COL6A2: variants seen among roughly 807,000 people sequenced by gnomAD.
COL6A2 encodes collagen type VI alpha 2 chain, also known as collagen alpha-2(VI) chain.
In COL6A2, 90 loss-of-function variants were observed where a neutral mutation model predicts 124.9. The observed-to-expected ratio is 0.72, with a 90% CI of 0.61 to 0.86. The LOEUF (loss-of-function observed/expected upper bound fraction) is 0.86, where lower values mean the gene tolerates loss of function less well. COL6A2 is among the 40% of genes least tolerant of loss of function. COL6A2 has a pLI of 0.00. For synonymous variants in COL6A2, 793 were observed against 618.2 expected (o/e 1.28, Z -4.19); for missense variants, 1,607 against 1,502.5 (o/e 1.07, Z -1.15).
intron 1 of COL6A2, chr21:46,099,050 G>C (rs1286455918): frequency 2.6e-5 from 4 of 152,322 alleles, no homozygotes. Context: ...TTCCCTTTGG[G>C]GTCGGAACCC....
intron 1 of COL6A2, among the ~76,000 whole-genome samples, chr21:46,110,183 C>T (rs557403533): frequency 6.6e-6 from 1 of 152,170 alleles, no homozygotes; most frequent in Non-Finnish European, 1.5e-5. Context: ...TGGCAGCGGC[C>T]CCCAGGGAGG....
chr21:46,122,623 ACCACC>A, intron 20 of COL6A2, 92 bp downstream of exon 20: 2 of 1,407,734 alleles, frequency 1.4e-6, no homozygotes, highest in Non-Finnish European at 2.0e-6. Flanking sequence ...CACTGACAGG[ACCACC>A]CCTGTCTTGA....
chr21:46,129,556 C>T (rs2078730716), intron 27 of COL6A2: 20 of 1,478,206 alleles, frequency 1.4e-5, no homozygotes, highest in African/African-American at 2.8e-5. Flanking sequence ...GGGCTGCCCC[C>T]GACAGGCTGG....
In COL6A2 at chr21:46,131,988, G is replaced by A. The variant is rs567775494; in HGVS notation, c.2496G>A (p.Val832=). Residue 832 remains valine, a synonymous_variant, in exon 28 of 28, where the codon GTG becomes GTA. Transcript: ENST00000300527. ...LSVAQCTQRP[V]DIVFLLDGSE... is the part of the protein sequence containing the mutation. ...TGGCACAGTGCACGCAGCGGCCCGT[G>A]GACATCGTCTTCCTGCTGGACGGCT... The A allele has an allele frequency of 1.9e-5, 30 of 1,609,860 alleles. No individual in the cohort carries two copies. Among genetic ancestry groups the A allele is most frequent in the East Asian group, 1.1e-4 (5 of 44,810 alleles).
At chr21:46,104,005 G>A (rs145592302) in intron 1 of COL6A2, among the ~76,000 whole-genome samples, 132 of 152,248 alleles carry the variant, frequency 8.7e-4, no homozygotes, top group Middle Eastern at 6.8e-3. Context: ...GGGAAGTCAC[G>A]GGCTTAGAAA....
chr21:46,120,547 G>T lies in COL6A2; in HGVS notation c.1365G>T (p.Leu455=), dbSNP rs756507880. The T allele has an allele frequency of 6.8e-7, 1 of 1,474,060 alleles. No homozygotes were observed. Among genetic ancestry groups the T allele is most frequent in the Non-Finnish European group, 9.0e-7 (1 of 1,114,006 alleles). 91.3% of individuals were successfully genotyped at this position (1,474,060 alleles called of 1,614,324 possible). The change falls in exon 16 of 28, where the codon CTG becomes CTT. Residue 455 remains leucine, a synonymous_variant. Coordinates refer to ENST00000300527, the MANE Select transcript of COL6A2 (RefSeq NM_001849.4). ...CTGGCCCTGAGGGGCCCCGCGGCCT[G>T]GCTGGAGAGGTTGGCAACAAAGGAG... ...GDPGPEGPRG[L]AGEVGNKGAK...
intron 1 of COL6A2, among the ~76,000 whole-genome samples, chr21:46,099,949 G>T (rs924965020): frequency 3.7e-5 from 5 of 135,004 alleles, no homozygotes; most frequent in African/African-American, 1.0e-4. Flanking sequence ...CTTGTTGGGG[G>T]GTTTGTTCTG....
intron 21 of COL6A2, among the ~76,000 whole-genome samples, chr21:46,123,213 C>A (rs1392210318): frequency 8.1e-6 from 1 of 123,930 alleles, no homozygotes; most frequent in South Asian, 2.7e-4. Flanking sequence ...CACAACATCC[C>A]CCCAGAGTCC....
At chr21:46,130,784 T>C (rs141902436) in intron 27 of COL6A2, among the ~76,000 whole-genome samples, 188 of 152,326 alleles carry the variant, frequency 1.2e-3, no homozygotes, top group African/African-American at 4.2e-3. Context: ...TCTGGACATT[T>C]AAGCCGGTTC....
chr21:46,104,968 T>A (rs888205225), intron 1 of COL6A2, among the ~76,000 whole-genome samples: 11 of 152,168 alleles, frequency 7.2e-5, no homozygotes, highest in Admixed American at 7.2e-4. Flanking sequence ...ATTAACACAT[T>A]CTTAGATCAA....
At chr21:46,115,801 C>A in intron 5 of COL6A2, 71 bp from the exon 6 acceptor site, 1 of 1,375,184 alleles carries the variant, frequency 7.3e-7, no homozygotes. Context: ...CTCAGAGGAG[C>A]TGTGGCAGGG....
Position 46,125,666 on chromosome 21 carries a change from G to A in COL6A2, c.1969+49G>A, listed in dbSNP as rs557704979. 3.9e-5 allele frequency: 62 copies of A among 1,592,580 alleles called. 1 individual carries two copies. Among genetic ancestry groups the A allele is most frequent in the Admixed American group, 7.0e-5 (4 of 57,334 alleles). On this transcript the variant is annotated intron_variant, in intron 25 of 27. Transcript: ENST00000300527. The stretch of plus-strand genomic sequence containing the variant: ...AGCATTGCGGGGGGCCGGGCGGGGC[G>A]TGGGAGGCGATGAGATGGGAGAAGT...
Position 46,126,102 on chromosome 21 carries a change from T to G in COL6A2, c.2287T>G (p.Phe763Val). Residue 763 changes from phenylalanine (F) to valine (V), a missense_variant, in exon 26 of 28, where the codon TTC becomes GTC. Phe to Val is a conservative substitution (Grantham distance 50). Around this residue, in one of 3 missense-constraint regions of COL6A2, gnomAD observed 1,223 missense variants for 1,052.2 expected, o/e 1.16. Coordinates refer to ENST00000300527, the MANE Select transcript of COL6A2 (RefSeq NM_001849.4). ...TVTAIGIGDM[F>V]HEKHESENLY... The stretch of plus-strand genomic sequence containing the variant: ...GACGGCCATCGGCATCGGGGACATG[T>G]TCCACGAGAAGCACGAGAGTGAAAA... The G allele has an allele frequency of 6.2e-7, 1 of 1,612,790 alleles. No homozygotes were observed. Among genetic ancestry groups the G allele is most frequent in the Non-Finnish European group, 8.5e-7 (1 of 1,180,006 alleles).
chr21:46,126,624 A>C, intron 27 of COL6A2, 83 bp downstream of exon 27: 1 of 1,435,660 alleles, frequency 7.0e-7, no homozygotes, highest in African/African-American at 1.4e-5. Context: ...GGGCTGGGGG[A>C]GGGGCCGTGC....
rs1305600618 is a variant in COL6A2, at chr21:46,121,103, C to T, written c.1438C>T (p.Leu480Phe). The T allele has an allele frequency of 6.2e-7, 1 of 1,612,782 alleles. No homozygotes were observed. Among genetic ancestry groups the T allele is most frequent in the South Asian group, 1.1e-5 (1 of 91,084 alleles). The change falls in exon 17 of 28, where the codon CTT becomes TTT. Residue 480 changes from leucine to phenylalanine, a missense_variant. Leu to Phe is a conservative substitution (Grantham distance 22, BLOSUM62 0). Around this residue, in one of 3 missense-constraint regions of COL6A2, gnomAD observed 1,223 missense variants for 1,052.2 expected, o/e 1.16. Coordinates refer to ENST00000300527, the MANE Select transcript of COL6A2 (RefSeq NM_001849.4). ...TGGACCCAGAGGCCCCCAGGGAGCTCTTGGGGAGCCCGGAAAGCAGGTCAG... is the reference window on the plus strand; with the variant it reads ...TGGACCCAGAGGCCCCCAGGGAGCTTTTGGGGAGCCCGGAAAGCAGGTCAG... ...LPGPRGPQGA[L>F]GEPGKQGSRG...
chr21:46,117,783 C>T, intron 11 of COL6A2, 91 bp from the exon 12 acceptor site: 1 of 1,359,844 alleles, frequency 7.4e-7, no homozygotes, highest in East Asian at 2.4e-5. Context: ...GAGGTGCGTC[C>T]CGGGCTGGGA....
chr21:46,121,146 G>C (rs200083139), intron 17 of COL6A2, 23 bp downstream of exon 17: 2 of 1,611,258 alleles, frequency 1.2e-6, no homozygotes, highest in African/African-American at 2.7e-5. Context: ...GCAGGAGGCC[G>C]GTGCCCTCTG....
At chr21:46,126,831 A>G (rs1357096970) in intron 27 of COL6A2, among the ~76,000 whole-genome samples, 1 of 152,144 alleles carries the variant, frequency 6.6e-6, no homozygotes, top group East Asian at 1.9e-4. Context: ...AAGGCCCACC[A>G]TGGGCCTTGC....
At chr21:46,111,163 C>T (rs188981547) in intron 1 of COL6A2, among the ~76,000 whole-genome samples, 30 of 152,286 alleles carry the variant, frequency 2.0e-4, no homozygotes, top group Admixed American at 3.3e-4. Flanking sequence ...CCCACTCCAC[C>T]CAGCCCTGGA....
Sources: allele counts gnomAD v4.1 joint callset (sites outside exome capture counted in the v4.1 genomes callset), GRCh38; gene constraint gnomAD v4.1.1; regional missense constraint gnomAD v4.1.1; transcripts MANE v1.5; gene names NCBI Gene and HGNC (gene_info 2026-07-23, HGNC 2026-07-21).